KCND2: variants seen among roughly 807,000 people sequenced by gnomAD.
KCND2 encodes the protein A-type voltage-gated potassium channel KCND2.
A neutral mutation model predicts 54.4 loss-of-function variants in KCND2; 16 were observed. The observed-to-expected ratio is 0.29, with a 90% CI of 0.20 to 0.45. The LOEUF (loss-of-function observed/expected upper bound fraction) is 0.45. Among genes scored for constraint, KCND2 ranks in the 20% least tolerant of loss-of-function variants. The probability of loss-of-function intolerance (pLI) is 1.00; values close to 1 mark genes in which losing one functional copy is unlikely to be tolerated. For missense variants in KCND2, 486 were observed against 824.2 expected, an observed-to-expected ratio of 0.59 and a Z score of 5.02; for synonymous variants, 317 against 310.7, an observed-to-expected ratio of 1.02 and a Z score of -0.21.
intron 1 of KCND2, among the ~76,000 whole-genome samples, chr7:120,305,034 T>A (rs550826283): frequency 6.6e-6 from 1 of 152,202 alleles, no homozygotes; most frequent in South Asian, 2.1e-4. Context: ...TAATCTTTCA[T>A]GCTTCAAATC....
chr7:120,501,639 G>A (rs1584803755), intron 1 of KCND2, among the ~76,000 whole-genome samples: 1 of 152,066 alleles, frequency 6.6e-6, no homozygotes, highest in Non-Finnish European at 1.5e-5. Context: ...TATTTAGCTT[G>A]TAGACTTAAC....
At chr7:120,459,894 G>C (rs1802260061) in intron 1 of KCND2, among the ~76,000 whole-genome samples, 1 of 152,192 alleles carries the variant, frequency 6.6e-6, no homozygotes, top group African/African-American at 2.4e-5. Context: ...CCAGTGTAAA[G>C]ACACTTTTTG....
At chr7:120,379,724 C>T (rs62471539) in intron 1 of KCND2, among the ~76,000 whole-genome samples, 5,223 of 152,086 alleles carry the variant, frequency 0.034, 117 homozygotes, top group Non-Finnish European at 0.052. Flanking sequence ...TGTCTGATGT[C>T]TGGGCAGGGG....
chr7:120,587,530 A>AT lies in KCND2; in HGVS notation c.1116-145363dup, dbSNP rs550527921. Among the ~76,000 whole-genome samples, 864 of 150,572 alleles carry AT rather than the reference A, an allele frequency of 5.7e-3. 9 individuals are homozygous for AT. The highest frequency in any genetic ancestry group is 6.7e-3 in the Non-Finnish European group (453 of 67,432). Reference sequence around the variant, plus strand: ...AACACATCTCCTAATGACTTACAGGATTTTTTTTTTCCAGACGAATAGATT... The same window carrying AT: ...AACACATCTCCTAATGACTTACAGGATTTTTTTTTTTCCAGACGAATAGATT... On this transcript the variant is annotated intron_variant, in intron 1 of 5. Transcript: ENST00000331113.
At chr7:120,427,403 T>A (rs1801725922) in intron 1 of KCND2, among the ~76,000 whole-genome samples, 1 of 152,204 alleles carries the variant, frequency 6.6e-6, no homozygotes, top group African/African-American at 2.4e-5. Flanking sequence ...GTCAACTTGA[T>A]GAATTTTAAC....
intron 1 of KCND2, among the ~76,000 whole-genome samples, chr7:120,394,846 A>T (rs1018778465): frequency 6.6e-6 from 1 of 152,028 alleles, no homozygotes; most frequent in African/African-American, 2.4e-5. Flanking sequence ...TCAAGTAACC[A>T]CTTAAACCAC....
intron 1 of KCND2, among the ~76,000 whole-genome samples, chr7:120,550,171 G>A (rs1792089132): frequency 6.6e-6 from 1 of 151,914 alleles, no homozygotes; most frequent in South Asian, 2.1e-4. Context: ...GCTTGCTCTA[G>A]TGCCTTTTTT....
Position 120,745,896 on chromosome 7 carries a change from C to G in KCND2, c.1584C>G (p.Thr528=). The stretch of plus-strand genomic sequence containing the variant: ...CTTCACAACAAGGAGTCACCAGCAC[C>G]TGCTGTTCACGACGACACAAAAAAA... The part of the protein sequence containing the change: ...SLSSQQGVTS[T]CCSRRHKKTF... Residue 528 remains threonine (T), a synonymous_variant, in exon 5 of 6, where the codon ACC becomes ACG. Coordinates refer to ENST00000331113, the MANE Select transcript of KCND2 (RefSeq NM_012281.3). 2 of 1,613,922 alleles carry G rather than the reference C, an allele frequency of 1.2e-6. No homozygotes were observed. Among genetic ancestry groups the G allele is most frequent in the Non-Finnish European group, 1.7e-6 (2 of 1,179,864 alleles).
At chr7:120,527,135 G>C (rs549001128) in intron 1 of KCND2, among the ~76,000 whole-genome samples, 1 of 152,064 alleles carries the variant, frequency 6.6e-6, no homozygotes, top group African/African-American at 2.4e-5. Context: ...TCGTTACACA[G>C]TATATAATAA....
intron 1 of KCND2, among the ~76,000 whole-genome samples, chr7:120,659,238 A>T (rs973382975): frequency 2.6e-5 from 4 of 152,150 alleles, no homozygotes; most frequent in African/African-American, 9.7e-5. Context: ...ACTTGTGCAA[A>T]GTTATATAGA....
At chr7:120,582,381 A>C (rs1006240155) in intron 1 of KCND2, among the ~76,000 whole-genome samples, 3 of 151,860 alleles carry the variant, frequency 2.0e-5, no homozygotes, top group Admixed American at 6.6e-5. Context: ...TACTCTCCTC[A>C]TTCTTAATAT....
intron 1 of KCND2, among the ~76,000 whole-genome samples, chr7:120,318,665 T>C (rs1387769239): frequency 6.6e-6 from 1 of 152,106 alleles, no homozygotes; most frequent in African/African-American, 2.4e-5. Flanking sequence ...TTTTCTTCAG[T>C]GGTGTGTTTA....
chr7:120,553,521 G>A (rs554029153), intron 1 of KCND2, among the ~76,000 whole-genome samples: 1 of 148,652 alleles, frequency 6.7e-6, no homozygotes, highest in African/African-American at 2.4e-5. Context: ...AACTTGTTAG[G>A]TCCCTTGACT....
chr7:120,482,441 A>T (rs1016688890), intron 1 of KCND2, among the ~76,000 whole-genome samples: 8 of 152,184 alleles, frequency 5.3e-5, no homozygotes, highest in Non-Finnish European at 1.2e-4. Flanking sequence ...TTGCATTGTG[A>T]GAAGGACATA....
Position 120,749,266 on chromosome 7 carries a change from A to G in KCND2, c.*1408A>G, listed in dbSNP as rs1159027009. 1 of 151,972 alleles carries G rather than the reference A, an allele frequency of 6.6e-6. No homozygotes were observed. 9.4% of individuals were successfully genotyped at this position (151,972 alleles called of 1,614,324 possible). A position where few individuals can be genotyped will look rare whatever the true frequency, so the allele number is the denominator to read the frequency against. On this transcript the variant is annotated 3_prime_UTR_variant, in exon 6 of 6. Transcript: ENST00000331113. ...GAAGGCAGCACAAATTTATCTCAGA[A>G]AGGTTCCTGTGTATTGCAAGGTACA...
At chr7:120,524,908 C>G (rs369228544) in intron 1 of KCND2, among the ~76,000 whole-genome samples, 1 of 152,118 alleles carries the variant, frequency 6.6e-6, no homozygotes, top group Non-Finnish European at 1.5e-5. Context: ...TTTTACACCA[C>G]GTCTGGCTCT....
At chr7:120,385,585 G>A (rs891349831) in intron 1 of KCND2, among the ~76,000 whole-genome samples, 4 of 152,068 alleles carry the variant, frequency 2.6e-5, no homozygotes, top group Non-Finnish European at 5.9e-5. Context: ...CAGTTATTCT[G>A]AACGCTTGGC....
intron 1 of KCND2, among the ~76,000 whole-genome samples, chr7:120,652,122 C>G (rs1019337837): frequency 6.6e-6 from 1 of 150,446 alleles, no homozygotes; most frequent in Admixed American, 6.6e-5. Context: ...TGTTGTGAGG[C>G]TGGAGTGCAG....
intron 1 of KCND2, among the ~76,000 whole-genome samples, chr7:120,393,839 C>T (rs1450026376): frequency 1.3e-5 from 2 of 151,856 alleles, no homozygotes; most frequent in East Asian, 1.9e-4. Flanking sequence ...TTGTGTGTAG[C>T]AATCCAATGA....
Sources: gnomAD v4.1 joint callset for allele counts (sites outside exome capture counted in the v4.1 genomes callset) on GRCh38, gnomAD v4.1.1 for gene constraint, MANE v1.5 for transcripts, NCBI Gene and HGNC (gene_info 2026-07-23, HGNC 2026-07-21) for gene names.